LCORL: variants seen among roughly 807,000 people sequenced by gnomAD.
The protein encoded by LCORL is ligand dependent nuclear receptor corepressor like.
Under a neutral mutation model 141.8 loss-of-function variants are expected in LCORL, and 41 were observed. The ratio of observed to expected loss-of-function variants is 0.29; its 90% CI spans 0.23 to 0.38. LCORL has a LOEUF of 0.38. Among genes scored for constraint, LCORL ranks in the 10% least tolerant of loss-of-function variants. The probability of loss-of-function intolerance (pLI) is 1.00; values close to 1 mark genes in which losing one functional copy is unlikely to be tolerated. For synonymous variants in LCORL, 618 were observed against 694.1 expected, an observed-to-expected ratio of 0.89 and a Z score of 1.72; for missense variants, 1,759 against 2,035.0, an observed-to-expected ratio of 0.86 and a Z score of 2.61.
chr4:17,926,780 G>A (rs1735218905), intron 4 of LCORL, among the ~76,000 whole-genome samples: 1 of 152,200 alleles, frequency 6.6e-6, no homozygotes, highest in South Asian at 2.1e-4. Context: ...AAACCATTCT[G>A]TAAACAGATG....
At chr4:17,984,911 T>C (rs1161426883) in intron 1 of LCORL, among the ~76,000 whole-genome samples, 1 of 151,372 alleles carries the variant, frequency 6.6e-6, no homozygotes, top group Non-Finnish European at 1.5e-5. Flanking sequence ...AATTTCTCTC[T>C]TAACACTGTC....
intron 5 of LCORL, among the ~76,000 whole-genome samples, chr4:17,887,126 A>C (rs911734192): frequency 2.6e-5 from 4 of 152,120 alleles, no homozygotes; most frequent in African/African-American, 7.2e-5. Flanking sequence ...GATGAAAAAT[A>C]AAACAAAACA....
intron 4 of LCORL, among the ~76,000 whole-genome samples, chr4:17,915,121 A>T (rs1733193593): frequency 6.7e-6 from 1 of 148,850 alleles, no homozygotes; most frequent in South Asian, 2.1e-4. Flanking sequence ...CTCCTCCTCT[A>T]TCTCCTTCTC....
intron 6 of LCORL, among the ~76,000 whole-genome samples, chr4:17,878,869 A>G (rs1156593263): frequency 6.6e-6 from 1 of 151,362 alleles, no homozygotes; most frequent in Non-Finnish European, 1.5e-5. Context: ...CAAATGCTGG[A>G]AAATGGCCCA....
In LCORL at chr4:18,021,339, G is replaced by A. The variant is rs1426931951; in HGVS notation, c.154+259C>T. Reference sequence around the variant, plus strand: ...GAGCGAGCGGGCGGCTTCCGCGGGGGCTCAGCAAGCGGGTCCAAACTAACA... The same window carrying A: ...GAGCGAGCGGGCGGCTTCCGCGGGGACTCAGCAAGCGGGTCCAAACTAACA... On this transcript the variant is annotated intron_variant, in intron 1 of 7. Coordinates refer to ENST00000635767, the Ensembl canonical transcript of LCORL. This position sits in a 1 kb window ranked among gnomAD's most constrained non-coding sequence, Gnocchi z 5.5. Among the ~76,000 whole-genome samples, 4 of 152,144 alleles carry A rather than the reference G, an allele frequency of 2.6e-5. 1 individual carries two copies. In the East Asian group the frequency reaches 7.7e-4, roughly 29 times the overall value.
chr4:18,002,389 C>G (rs563349324), intron 1 of LCORL, among the ~76,000 whole-genome samples: 4 of 151,984 alleles, frequency 2.6e-5, no homozygotes, highest in African/African-American at 9.6e-5. Context: ...AGCACCACTC[C>G]CGCCTCTCAC....
intron 5 of LCORL, among the ~76,000 whole-genome samples, chr4:17,901,213 T>C (rs1020046563): frequency 6.6e-6 from 1 of 151,586 alleles, no homozygotes; most frequent in Non-Finnish European, 1.5e-5. Flanking sequence ...ACCTGCAGAA[T>C]ACCATAAACA....
At chr4:17,854,044 G>C (rs2109109903) in intron 7 of LCORL, among the ~76,000 whole-genome samples, 1 of 152,238 alleles carries the variant, frequency 6.6e-6, no homozygotes, top group Non-Finnish European at 1.5e-5. Flanking sequence ...AGAAGGGAAA[G>C]ATTAATCCCA....
intron 1 of LCORL, among the ~76,000 whole-genome samples, chr4:17,988,805 C>T (rs140616029): frequency 6.6e-6 from 1 of 152,022 alleles, no homozygotes; most frequent in African/African-American, 2.4e-5. Flanking sequence ...GCCCACATGG[C>T]GAAACCCTAT....
At chr4:17,861,330 C>T (rs769632726) in intron 7 of LCORL, among the ~76,000 whole-genome samples, 7 of 152,214 alleles carry the variant, frequency 4.6e-5, no homozygotes, top group African/African-American at 1.2e-4. Flanking sequence ...ATGTGGAAGC[C>T]GCCAAGGCAC....
At chr4:17,958,090 G>A (rs1247584183) in intron 4 of LCORL, among the ~76,000 whole-genome samples, 1 of 151,860 alleles carries the variant, frequency 6.6e-6, no homozygotes, top group Non-Finnish European at 1.5e-5. Flanking sequence ...CAGTTTAAAA[G>A]GAAAAGGGTC....
chr4:17,998,410 T>G (rs1721252467), intron 1 of LCORL, among the ~76,000 whole-genome samples: 1 of 152,146 alleles, frequency 6.6e-6, no homozygotes, highest in Non-Finnish European at 1.5e-5. Context: ...TTGATAGTCT[T>G]ATTCTATAAT....
chr4:18,002,851 G>C (rs1358928472), intron 1 of LCORL, among the ~76,000 whole-genome samples: 1 of 152,168 alleles, frequency 6.6e-6, no homozygotes, highest in East Asian at 1.9e-4. Flanking sequence ...TCCAAAGAAA[G>C]AGTAATCAGA....
At chr4:17,897,021 C>T (rs1258417782) in intron 5 of LCORL, among the ~76,000 whole-genome samples, 1 of 152,018 alleles carries the variant, frequency 6.6e-6, no homozygotes, top group Non-Finnish European at 1.5e-5. Flanking sequence ...CCTCCAGTTC[C>T]ATCCATCTTG....
intron 2 of LCORL, among the ~76,000 whole-genome samples, chr4:17,970,277 T>G (rs961109385): frequency 1.3e-5 from 2 of 152,170 alleles, no homozygotes; most frequent in South Asian, 2.1e-4. Context: ...TGAATTGTAC[T>G]ATAACATTTC....
At chr4:17,892,478 GGGAT>G (rs1018869205) in intron 5 of LCORL, among the ~76,000 whole-genome samples, 4 of 152,032 alleles carry the variant, frequency 2.6e-5, no homozygotes, top group Non-Finnish European at 5.9e-5. Flanking sequence ...CCAAAGTGCT[GGGAT>G]TACAGGCATG....
At chr4:17,962,150 G>T in intron 3 of LCORL, 118 bp from the exon 4 acceptor site, 1 of 520,312 alleles carries the variant, frequency 1.9e-6, no homozygotes, top group Non-Finnish European at 3.2e-6. Context: ...TCTTTAAATT[G>T]TATCAAATTA....
chr4:17,926,054 T>G (rs1735093376), intron 4 of LCORL, among the ~76,000 whole-genome samples: 1 of 152,182 alleles, frequency 6.6e-6, no homozygotes, highest in Non-Finnish European at 1.5e-5. Context: ...TGGGGACTGG[T>G]GCACTGTATG....
chr4:17,936,299 C>T (rs959603760), intron 4 of LCORL, among the ~76,000 whole-genome samples: 1 of 147,980 alleles, frequency 6.8e-6, no homozygotes, highest in Non-Finnish European at 1.5e-5. Flanking sequence ...ATCCACTTTT[C>T]AGGACCACTA....
Sources: gnomAD v4.1 joint callset for allele counts (sites outside exome capture counted in the v4.1 genomes callset) on GRCh38, gnomAD v4.1.1 for gene constraint, Gnocchi (gnomAD v3.1) non-coding constraint, MANE v1.5 for transcripts, NCBI Gene and HGNC (gene_info 2026-07-23, HGNC 2026-07-21) for gene names.